Variants in STRIP1 observed in about 807,000 individuals in gnomAD.
STRIP1 encodes the protein striatin-interacting protein 1.
A neutral mutation model predicts 106.2 loss-of-function variants in STRIP1; 63 were observed. That is an observed-to-expected ratio of 0.59 (90% CI 0.48 to 0.73). The LOEUF is 0.73. Among genes scored for constraint, STRIP1 ranks in the 30% least tolerant of loss-of-function variants. The probability of loss-of-function intolerance (pLI) is 0.00; values close to 1 mark genes in which losing one functional copy is unlikely to be tolerated. For synonymous variants in STRIP1, 390 were observed against 413.0 expected (o/e 0.94, Z 0.67); for missense variants, 857 against 1,074.8 (o/e 0.80, Z 2.83).
intron 8 of STRIP1, 62 bp from the exon 9 acceptor site, chr1:110,043,026 A>G (rs953290695): frequency 1.3e-5 from 20 of 1,483,572 alleles, no homozygotes; most frequent in Admixed American, 2.1e-5. Context: ...GCCTGACACA[A>G]TGGTCAGGGG....
intron 20 of STRIP1, among the ~76,000 whole-genome samples, chr1:110,052,733 G>A (rs1162368180): frequency 6.6e-6 from 1 of 152,120 alleles, no homozygotes; most frequent in Admixed American, 6.5e-5. Flanking sequence ...GCCTCCCAAA[G>A]TGCTGGGATT....
intron 16 of STRIP1, 57 bp downstream of exon 16, chr1:110,049,295 C>T: frequency 2.5e-6 from 4 of 1,611,598 alleles, no homozygotes; most frequent in Non-Finnish European, 2.5e-6. Flanking sequence ...CACTGCTGCT[C>T]CTCCAGCCCA....
At chr1:110,043,557 A>G (rs771481016) in intron 9 of STRIP1, 82 bp from the exon 10 acceptor site, 803 of 1,238,958 alleles carry the variant, frequency 6.5e-4, no homozygotes, top group Non-Finnish European at 8.8e-4. Context: ...GGACACCTGT[A>G]TGTGCTGTGT....
At chr1:110,047,056 A>G (rs1413010764) in intron 13 of STRIP1, among the ~76,000 whole-genome samples, 4 of 152,080 alleles carry the variant, frequency 2.6e-5, no homozygotes, top group African/African-American at 9.7e-5. Context: ...TCAAAAAAAA[A>G]AGTTAGAGGT....
intron 6 of STRIP1, 72 bp downstream of exon 6, chr1:110,040,775 G>C: frequency 7.8e-7 from 1 of 1,279,412 alleles, no homozygotes; most frequent in Non-Finnish European, 1.1e-6. Flanking sequence ...GTGGGAGGCT[G>C]TCTGTGGGTG....
chr1:110,033,027 C>G (rs772171792), upstream of STRIP1, among the ~76,000 whole-genome samples: 35 of 152,200 alleles, frequency 2.3e-4, no homozygotes, highest in Non-Finnish European at 4.7e-4. Flanking sequence ...CAATTACTAT[C>G]CCTCCCTTGG....
Position 110,037,047 on chromosome 1 carries a change from C to CCAACAA in STRIP1, c.181-844_181-843insCAACAA, listed in dbSNP as rs1168039987. Reference sequence around the variant, plus strand: ...ACGGGGTTTTACCATGTTGGCCAGGCTGGTTTCAAAGTCCTGACCTCAAAT... The same window carrying CCAACAA: ...ACGGGGTTTTACCATGTTGGCCAGGCCAACAATGGTTTCAAAGTCCTGACCTCAAAT... On this transcript the variant is annotated intron_variant, in intron 1 of 20. Coordinates refer to ENST00000369795, the MANE Select transcript of STRIP1 (RefSeq NM_033088.4). Among the ~76,000 whole-genome samples the CCAACAA allele has an allele frequency of 7.2e-5, 11 of 152,232 alleles. No homozygotes were observed. The South Asian group carries it at 1.9e-3, about 26-fold the overall frequency.
intron 19 of STRIP1, 31 bp downstream of exon 19, chr1:110,051,091 G>T: frequency 7.0e-7 from 1 of 1,434,256 alleles, no homozygotes; most frequent in Non-Finnish European, 9.8e-7. Context: ...AGCAGGCTTG[G>T]AACTTGGAGC....
intron 3 of STRIP1, 132 bp from the exon 4 acceptor site, chr1:110,039,040 T>A: frequency 9.7e-7 from 1 of 1,032,118 alleles, no homozygotes; most frequent in Non-Finnish European, 1.4e-6. Context: ...AGCAGTATGA[T>A]CTTACCACTT....
chr1:110,043,405 GA>G, intron 9 of STRIP1, 135 bp downstream of exon 9: 2 of 1,023,476 alleles, frequency 2.0e-6, no homozygotes, highest in Admixed American at 4.7e-5. Context: ...CCACAGCGAG[GA>G]TACTTTGTCC....
At chr1:110,048,494 T>G (rs1425286570) in intron 15 of STRIP1, among the ~76,000 whole-genome samples, 1 of 152,140 alleles carries the variant, frequency 6.6e-6, no homozygotes, top group Non-Finnish European at 1.5e-5. Flanking sequence ...GGCCCCGGAG[T>G]ATGGCAGTGA....
Position 110,053,712 on chromosome 1 carries a change from C to T in STRIP1, c.2314C>T (p.Arg772Cys), listed in dbSNP as rs372274310. Residue 772 changes from arginine to cysteine, a missense_variant, in exon 21 of 21, where the codon CGT (arginine) becomes TGT (cysteine). This residue lies in a region of STRIP1 where 750 missense variants were observed against 989.8 expected (regional missense o/e 0.76). Transcript: ENST00000369795. The stretch of plus-strand genomic sequence containing the variant: ...CTTCCAGGCAGAGGAGTGTGCCCTT[C>T]GTGCCAACATTGAACGCTTCAACGC... ...WDFQAEECAL[R>C]ANIERFNARR... 5 of 1,614,014 alleles carry T rather than the reference C, an allele frequency of 3.1e-6. No individual in the cohort carries two copies. The highest frequency in any genetic ancestry group is 1.1e-5 in the South Asian group (1 of 91,090).
chr1:110,034,262 T>C (rs1489381321), upstream of STRIP1, among the ~76,000 whole-genome samples: 4 of 152,176 alleles, frequency 2.6e-5, no homozygotes, highest in Non-Finnish European at 5.9e-5. Flanking sequence ...GTCACAACGG[T>C]AACTCTGTGA....
chr1:110,044,805 C>T (rs764558173), intron 10 of STRIP1, 35 bp from the exon 11 acceptor site: 6 of 1,609,772 alleles, frequency 3.7e-6, no homozygotes, highest in Non-Finnish European at 5.1e-6. Flanking sequence ...TGCTAAAAAC[C>T]TTTTTTCTTT....
chr1:110,038,666 A>C lies in STRIP1; in HGVS notation c.251-17A>C, dbSNP rs558323022. ...TGCAGACATGGAACCAATGGTGACG[A>C]GACTTTGTTCTGACAGAGCTTTACA... is the stretch of plus-strand genomic sequence containing the variant. On this transcript the variant is annotated splice_polypyrimidine_tract_variant and intron_variant, in intron 2 of 20. Coordinates refer to ENST00000369795, the MANE Select transcript of STRIP1 (RefSeq NM_033088.4). 5.0e-6 allele frequency: 8 copies of C among 1,612,626 alleles called. No individual in the cohort carries two copies. The South Asian group carries it at 8.8e-5, about 18-fold the overall frequency.
At chr1:110,037,855 A>T (rs748455940) in intron 1 of STRIP1, 36 bp from the exon 2 acceptor site, 50 of 1,444,302 alleles carry the variant, frequency 3.5e-5, no homozygotes, top group Non-Finnish European at 4.8e-5. Context: ...AAATAGAATG[A>T]TCCTTTTTCC....
At position 110,049,195 on chromosome 1, in the gene STRIP1, T is replaced by C; in HGVS notation, c.1745T>C (p.Leu582Pro). The change falls in exon 16 of 21, where the codon CTG becomes CCG. Residue 582 changes from leucine (L) to proline (P), a missense_variant. Coordinates refer to ENST00000369795, the MANE Select transcript of STRIP1 (RefSeq NM_033088.4). Reference sequence around the variant, plus strand: ...ATTGTTAAGGCCATTTCTGCTGTCCTGCTGCTGCTGCTCAAGCACTTTAAG... The same window carrying C: ...ATTGTTAAGGCCATTTCTGCTGTCCCGCTGCTGCTGCTCAAGCACTTTAAG... Reference protein sequence around the residue: ...EVIVKAISAVLLLLLKHFKLN... With the variant: ...EVIVKAISAVPLLLLKHFKLN... The C allele has an allele frequency of 6.2e-7, 1 of 1,613,920 alleles. No homozygotes were observed. The highest frequency in any genetic ancestry group is 8.5e-7 in the Non-Finnish European group (1 of 1,179,796).
chr1:110,047,343 G>T (rs537293576), intron 13 of STRIP1, among the ~76,000 whole-genome samples, 199 bp from the exon 14 acceptor site: 22 of 152,156 alleles, frequency 1.4e-4, no homozygotes, highest in African/African-American at 5.1e-4. Context: ...ACCTTTATAG[G>T]GTTATAATAA....
In STRIP1 at chr1:110,050,983, T is replaced by C; in HGVS notation, c.1984T>C (p.Trp662Arg). 1 of 1,613,624 alleles carries C rather than the reference T, an allele frequency of 6.2e-7. No individual in the cohort carries two copies. Among genetic ancestry groups the C allele is most frequent in the Non-Finnish European group, 8.5e-7 (1 of 1,179,482 alleles). ...LEAGDSNQFC[W>R]RNLFSCINLL... ...AGCAGGTGACAGTAACCAATTTTGC[T>C]GGAGGAACCTCTTTTCTTGTATCAA... is the stretch of plus-strand genomic sequence containing the variant. Residue 662 changes from tryptophan (W) to arginine (R), a missense_variant, in exon 19 of 21, where the codon TGG (tryptophan) becomes CGG (arginine). Physicochemically the swap from Trp to Arg is moderately radical, Grantham distance 101. Transcript: ENST00000369795.
Sources: allele counts gnomAD v4.1 joint callset (sites outside exome capture counted in the v4.1 genomes callset), GRCh38; gene constraint gnomAD v4.1.1; regional missense constraint gnomAD v4.1.1; transcripts MANE v1.5; gene names NCBI Gene and HGNC (gene_info 2026-07-23, HGNC 2026-07-21).